The following GRM7 variants were observed in gnomAD, a reference collection of about 807,000 sequenced individuals.
The protein encoded by GRM7 is glutamate metabotropic receptor 7.
A neutral mutation model predicts 84.5 loss-of-function variants in GRM7; 35 were observed. The ratio of observed to expected loss-of-function variants is 0.41; its 90% CI spans 0.32 to 0.55. The LOEUF is 0.55. Among genes scored for constraint, GRM7 ranks in the 20% least tolerant of loss-of-function variants. The pLI is 0.19. For missense variants in GRM7, 1,003 were observed against 1,194.6 expected (o/e 0.84, Z 2.36); for synonymous variants, 487 against 455.1 (o/e 1.07, Z -0.89).
chr3:7,533,071 A>G (rs567282912), intron 7 of GRM7, among the ~76,000 whole-genome samples: 54 of 152,254 alleles, frequency 3.5e-4, no homozygotes, highest in African/African-American at 1.3e-3. Flanking sequence ...CCCACTGTCA[A>G]TATTAGACAG....
chr3:7,661,419 G>A lies in GRM7; in HGVS notation c.2452-18630G>A, dbSNP rs1699438534. Among the ~76,000 whole-genome samples, 3 of 152,124 alleles carry A rather than the reference G, an allele frequency of 2.0e-5. No individual in the cohort carries two copies. In the South Asian group the frequency reaches 6.2e-4, roughly 31 times the overall value. ...AATTTTCCTGCACACCTATTAGAAA[G>A]GCTGAAGTTAAAAAAGATTGACCAT... On this transcript the variant is annotated intron_variant, in intron 8 of 9. Coordinates refer to ENST00000357716, the MANE Select transcript of GRM7 (RefSeq NM_000844.4).
At chr3:7,698,219 G>T (rs983825451) in intron 9 of GRM7, among the ~76,000 whole-genome samples, 2 of 152,158 alleles carry the variant, frequency 1.3e-5, no homozygotes, top group Non-Finnish European at 2.9e-5. Flanking sequence ...TAAAGATGAG[G>T]CAATATGGGA....
intron 1 of GRM7, among the ~76,000 whole-genome samples, chr3:6,950,020 A>T (rs914152577): frequency 6.6e-6 from 1 of 151,852 alleles, no homozygotes; most frequent in African/African-American, 2.4e-5. Flanking sequence ...TTTAGCTCGG[A>T]GTAGTTTGAT....
At chr3:6,966,177 T>G (rs1575076410) in intron 1 of GRM7, among the ~76,000 whole-genome samples, 1 of 152,146 alleles carries the variant, frequency 6.6e-6, no homozygotes, top group South Asian at 2.1e-4. Context: ...ATTCATGGAA[T>G]TTTTTTTATA....
intron 1 of GRM7, among the ~76,000 whole-genome samples, chr3:6,876,118 A>G (rs1308605184): frequency 6.6e-6 from 1 of 152,088 alleles, no homozygotes; most frequent in Non-Finnish European, 1.5e-5. Flanking sequence ...AAATATAAAA[A>G]TTATCCGGGC....
At chr3:7,340,261 C>G (rs1049516820) in intron 4 of GRM7, among the ~76,000 whole-genome samples, 2 of 152,112 alleles carry the variant, frequency 1.3e-5, no homozygotes, top group African/African-American at 2.4e-5. Flanking sequence ...CGTTCTCACA[C>G]TGCTATTAAG....
intron 2 of GRM7, among the ~76,000 whole-genome samples, chr3:7,266,932 G>A (rs766416448): frequency 2.3e-4 from 35 of 152,108 alleles, no homozygotes; most frequent in Non-Finnish European, 4.4e-4. Context: ...TTGACTTCAG[G>A]GTTGGAAGGA....
chr3:7,341,065 C>G lies in GRM7; in HGVS notation c.1033+34413C>G, dbSNP rs371937869. On this transcript the variant is annotated intron_variant, in intron 4 of 9. Transcript: ENST00000357716. Reference sequence around the variant, plus strand: ...GAAAGGCCATACAGACAATGCTTCTCTTTGTTCTTTAGCATTGTTAATTTT... The same window carrying G: ...GAAAGGCCATACAGACAATGCTTCTGTTTGTTCTTTAGCATTGTTAATTTT... Among the ~76,000 whole-genome samples, 47 of 152,250 alleles carry G rather than the reference C, an allele frequency of 3.1e-4. No individual in the cohort carries two copies. The South Asian group carries it at 9.5e-3, about 31-fold the overall frequency.
chr3:7,316,414 C>T (rs1421671188), intron 4 of GRM7, among the ~76,000 whole-genome samples: 1 of 150,704 alleles, frequency 6.6e-6, no homozygotes, highest in African/African-American at 2.5e-5. Flanking sequence ...TGAGGTTATT[C>T]CCCCCAAAAC....
At chr3:7,311,489 C>T (rs1575153033) in intron 4 of GRM7, among the ~76,000 whole-genome samples, 1 of 152,110 alleles carries the variant, frequency 6.6e-6, no homozygotes, top group East Asian at 1.9e-4. Flanking sequence ...TATTTCTCAC[C>T]CATGTAAAGT....
intron 9 of GRM7, among the ~76,000 whole-genome samples, chr3:7,694,061 G>C (rs906805197): frequency 2.0e-5 from 3 of 152,204 alleles, no homozygotes; most frequent in Admixed American, 1.3e-4. Context: ...AGGAAGAGTA[G>C]CATTCATGGG....
chr3:7,570,584 C>T (rs911839583), intron 7 of GRM7, among the ~76,000 whole-genome samples: 2 of 152,184 alleles, frequency 1.3e-5, no homozygotes, highest in African/African-American at 4.8e-5. Flanking sequence ...GCAGCTCCAC[C>T]CCTGTGGCTT....
intron 2 of GRM7, among the ~76,000 whole-genome samples, chr3:7,251,968 C>T (rs1698008403): frequency 6.6e-6 from 1 of 152,046 alleles, no homozygotes; most frequent in Admixed American, 6.6e-5. Context: ...AGCCTTTTTT[C>T]CAATTATTAG....
chr3:7,238,719 C>T (rs1697434145), intron 2 of GRM7, among the ~76,000 whole-genome samples: 1 of 151,990 alleles, frequency 6.6e-6, no homozygotes, highest in Non-Finnish European at 1.5e-5. Flanking sequence ...CACATCTAGC[C>T]CTTTCTATTC....
At chr3:7,633,141 C>T (rs3729649) in intron 8 of GRM7, among the ~76,000 whole-genome samples, 1 of 152,082 alleles carries the variant, frequency 6.6e-6, no homozygotes, top group South Asian at 2.1e-4. Flanking sequence ...GGAGGCATAC[C>T]TTCTTATAAT....
In GRM7 at chr3:7,436,819, A is replaced by C. The variant is rs776530120; in HGVS notation, c.1175-15788A>C. 3.3e-5 allele frequency among the ~76,000 whole-genome samples: 5 copies of C among 152,126 alleles called. No individual in the cohort carries two copies. The East Asian group carries it at 9.6e-4, about 29-fold the overall frequency. ...CAGTCAGTCAAGTATTTGGGCACAC[A>C]TGGGGCTCACCTTCTGTGTTGTTTC... On this transcript the variant is annotated intron_variant, in intron 5 of 9. Transcript: ENST00000357716.
chr3:7,574,708 A>G (rs1243882898), intron 7 of GRM7, among the ~76,000 whole-genome samples: 3 of 152,230 alleles, frequency 2.0e-5, no homozygotes, highest in Non-Finnish European at 2.9e-5. Flanking sequence ...TCTGGCCTGC[A>G]GTATTTCAGA....
intron 2 of GRM7, among the ~76,000 whole-genome samples, chr3:7,214,900 T>G (rs1696550571): frequency 6.6e-6 from 1 of 152,198 alleles, no homozygotes; most frequent in Non-Finnish European, 1.5e-5. Context: ...TCTTTATATA[T>G]TCCAGGATTT....
Position 6,947,064 on chromosome 3 carries a change from C to A in GRM7, c.519+85157C>A, listed in dbSNP as rs554817250. Among the ~76,000 whole-genome samples the A allele has an allele frequency of 9.9e-5, 15 of 152,246 alleles. No homozygotes were observed. In the East Asian group the frequency reaches 2.9e-3, roughly 29 times the overall value. On this transcript the variant is annotated intron_variant, in intron 1 of 9. Transcript: ENST00000357716. Reference sequence around the variant, plus strand: ...TTTATTTCCTTATCCTGCCTGATTGCCCTGGCCAGAACTTCCAACACTATG... The same window carrying A: ...TTTATTTCCTTATCCTGCCTGATTGACCTGGCCAGAACTTCCAACACTATG...
Sources: gnomAD v4.1 joint callset for allele counts (sites outside exome capture counted in the v4.1 genomes callset) on GRCh38, gnomAD v4.1.1 for gene constraint, MANE v1.5 for transcripts, NCBI Gene and HGNC (gene_info 2026-07-23, HGNC 2026-07-21) for gene names.